AGAP1: variants seen among roughly 807,000 people sequenced by gnomAD.
AGAP1 encodes arf-GAP with GTPase, ANK repeat and PH domain-containing protein 1.
A neutral mutation model predicts 105.3 loss-of-function variants in AGAP1; 29 were observed. The observed-to-expected ratio is 0.28, with a 90% CI of 0.21 to 0.38. The LOEUF is 0.38. AGAP1 is among the 10% of genes least tolerant of loss of function. The pLI is 1.00. For synonymous variants in AGAP1, 509 were observed against 485.9 expected (o/e 1.05, Z -0.63); for missense variants, 998 against 1,165.1 (o/e 0.86, Z 2.09).
intron 16 of AGAP1, among the ~76,000 whole-genome samples, chr2:236,097,428 C>T (rs558487451): frequency 9.8e-6 from 1 of 101,650 alleles, no homozygotes; most frequent in Admixed American, 1.6e-4. Context: ...GAGTCTTGCT[C>T]TGTCGCCAGG....
chr2:235,642,833 A>T lies in AGAP1; in HGVS notation c.164-66346A>T, dbSNP rs569692724. Among the ~76,000 whole-genome samples, 2 of 152,362 alleles carry T rather than the reference A, an allele frequency of 1.3e-5. No individual in the cohort carries two copies. Among genetic ancestry groups the T allele is most frequent in the South Asian group, 4.1e-4 (2 of 4,830 alleles). ...AATAAAATTATTTTGCTTTGCAAAG[A>T]TTAGGCAAATCCCAGGTTGCTGAGT... On this transcript the variant is annotated intron_variant, in intron 1 of 17. Coordinates refer to ENST00000304032, the MANE Select transcript of AGAP1 (RefSeq NM_001037131.3). The surrounding 1 kb of genome is among the most constrained non-coding windows in gnomAD (Gnocchi z 4.1).
Position 235,883,780 on chromosome 2 carries a change from G to A in AGAP1, c.1155+331G>A, listed in dbSNP as rs1428544960. 6.6e-6 allele frequency among the ~76,000 whole-genome samples: 1 copy of A among 152,162 alleles called. No individual in the cohort carries two copies. Among genetic ancestry groups the A allele is most frequent in the African/African-American group, 2.4e-5 (1 of 41,436 alleles). On this transcript the variant is annotated intron_variant, in intron 10 of 17. Coordinates refer to ENST00000304032, the MANE Select transcript of AGAP1 (RefSeq NM_001037131.3). The surrounding 1 kb of genome is among the most constrained non-coding windows in gnomAD (Gnocchi z 4.5). ...GAAAGGAGAGAAGAGTGGTCTATCT[G>A]AAAATCGAGAATGAAGGAAACAATT...
intron 12 of AGAP1, among the ~76,000 whole-genome samples, chr2:235,940,955 G>A (rs978911300): frequency 6.6e-6 from 1 of 152,228 alleles, no homozygotes; most frequent in Non-Finnish European, 1.5e-5. Flanking sequence ...CCAAGTGGTG[G>A]CAGGGGTGGG....
chr2:235,861,102 T>C (rs2048911678), intron 9 of AGAP1, among the ~76,000 whole-genome samples: 1 of 152,246 alleles, frequency 6.6e-6, no homozygotes, highest in South Asian at 2.1e-4. Flanking sequence ...ATGTACTGTG[T>C]GAGTCTTCCA....
intron 1 of AGAP1, chr2:235,669,634 G>GCCCGCCACCCGCCGCCCGCCA (rs1948261877): frequency 6.8e-6 from 1 of 147,986 alleles, no homozygotes. Flanking sequence ...GCCGCCCGCC[G>GCCCGCCACCCGCCGCCCGCCA]CCCGCCACCC....
In AGAP1 at chr2:235,967,103, CCT is replaced by C. The variant is rs921320971; in HGVS notation, c.1484-1355_1484-1354del. On this transcript the variant is annotated intron_variant, in intron 12 of 17. Transcript: ENST00000304032. The surrounding 1 kb of genome is among the most constrained non-coding windows in gnomAD (Gnocchi z 4.7). ...CCTCACGGTGGCCCGCAAGCCCCCT[CCT>C]CTCCAGTGCCACCTTCCGCAGGCCT... 2.6e-5 allele frequency among the ~76,000 whole-genome samples: 4 copies of C among 152,154 alleles called. No homozygotes were observed. Among genetic ancestry groups the C allele is most frequent in the Admixed American group, 1.3e-4 (2 of 15,284 alleles).
In AGAP1 at chr2:235,971,799, G is replaced by T; in HGVS notation, c.1645+3176G>T. 7.1e-6 allele frequency among the ~76,000 whole-genome samples: 1 copy of T among 141,408 alleles called. No individual in the cohort carries two copies. The highest frequency in any genetic ancestry group is 6.9e-5 in the Admixed American group (1 of 14,530). 92.8% of individuals were successfully genotyped at this position (141,408 alleles called of 152,430 possible). On this transcript the variant is annotated intron_variant, in intron 13 of 17. Coordinates refer to ENST00000304032, the MANE Select transcript of AGAP1 (RefSeq NM_001037131.3). This position sits in a 1 kb window ranked among gnomAD's most constrained non-coding sequence, Gnocchi z 4.8. Reference sequence around the variant, plus strand: ...TTTATTTATTTATTGTATTTTTTGAGACAGGTCCTCGCTCTGTCACCCAGG... The same window carrying T: ...TTTATTTATTTATTGTATTTTTTGATACAGGTCCTCGCTCTGTCACCCAGG...
chr2:235,709,108 C>T (rs1950695049), intron 1 of AGAP1, 71 bp from the exon 2 acceptor site: 4 of 1,474,334 alleles, frequency 2.7e-6, no homozygotes, highest in Non-Finnish European at 3.8e-6. Flanking sequence ...TGAAAATGGC[C>T]CATTGGAGGC....
chr2:235,561,619 T>G (rs1249636074), intron 1 of AGAP1, among the ~76,000 whole-genome samples: 1 of 152,202 alleles, frequency 6.6e-6, no homozygotes, highest in Non-Finnish European at 1.5e-5. Context: ...TTCTTGAGGC[T>G]TATTGCTGTC....
chr2:235,963,724 A>G lies in AGAP1; in HGVS notation c.1484-4738A>G, dbSNP rs992984818. Among the ~76,000 whole-genome samples the G allele has an allele frequency of 2.6e-5, 4 of 152,082 alleles. No individual in the cohort carries two copies. The highest frequency in any genetic ancestry group is 9.7e-5 in the African/African-American group (4 of 41,396). The stretch of plus-strand genomic sequence containing the variant: ...CTCCACCCTGTTCACCATCTTTTTC[A>G]TTGATGTGGATGGATATATGGGAGT... On this transcript the variant is annotated intron_variant, in intron 12 of 17. Transcript: ENST00000304032. The surrounding 1 kb of genome is among the most constrained non-coding windows in gnomAD (Gnocchi z 5.1).
chr2:235,658,586 G>T (rs1421009577), intron 1 of AGAP1, among the ~76,000 whole-genome samples: 1 of 152,148 alleles, frequency 6.6e-6, no homozygotes, highest in African/African-American at 2.4e-5. Context: ...CCCAGCAGGG[G>T]TGGAGGGGTG....
intron 9 of AGAP1, among the ~76,000 whole-genome samples, chr2:235,859,011 G>A (rs1020112656): frequency 6.6e-6 from 1 of 152,204 alleles, no homozygotes; most frequent in Non-Finnish European, 1.5e-5. Flanking sequence ...GGACACTTAA[G>A]AAAAATTGGG....
chr2:236,043,904 G>A (rs773249722), intron 15 of AGAP1, among the ~76,000 whole-genome samples: 13 of 152,150 alleles, frequency 8.5e-5, no homozygotes, highest in Non-Finnish European at 1.8e-4. Context: ...TGTCTGAGTG[G>A]TAGGGTCTTT....
chr2:235,828,824 G>A (rs1222979093), intron 9 of AGAP1, among the ~76,000 whole-genome samples: 1 of 152,210 alleles, frequency 6.6e-6, no homozygotes, highest in Non-Finnish European at 1.5e-5. Flanking sequence ...GATAATGGGT[G>A]TCATTTTGCA....
At chr2:235,803,709 A>C (rs1957697409) in intron 8 of AGAP1, among the ~76,000 whole-genome samples, 1 of 152,252 alleles carries the variant, frequency 6.6e-6, no homozygotes, top group Non-Finnish European at 1.5e-5. Context: ...GTTTGTTTGC[A>C]TATATTCATA....
At chr2:235,528,004 T>G (rs576877720) in intron 1 of AGAP1, among the ~76,000 whole-genome samples, 4 of 152,324 alleles carry the variant, frequency 2.6e-5, no homozygotes, top group African/African-American at 9.6e-5. Context: ...GACATGTAAG[T>G]CGCTTCTCAG....
chr2:236,053,105 C>G lies in AGAP1; in HGVS notation c.2114+3824C>G, dbSNP rs2057954817. On this transcript the variant is annotated intron_variant, in intron 16 of 17. Transcript: ENST00000304032. This position sits in a 1 kb window ranked among gnomAD's most constrained non-coding sequence, Gnocchi z 4.6. ...GGCGTCGAGCAGCTGGGCCGGGGGC[C>G]ACCAGCCAGGCGGGGCTCTGGGTTC... 6.6e-6 allele frequency among the ~76,000 whole-genome samples: 1 copy of G among 152,130 alleles called. No homozygotes were observed. Among genetic ancestry groups the G allele is most frequent in the Non-Finnish European group, 1.5e-5 (1 of 68,028 alleles).
rs1031028795 is a variant in AGAP1 at position 236,128,077 on chromosome 2, C to CT, written c.*3955_*3956insT. On this transcript the variant is annotated 3_prime_UTR_variant, in exon 18 of 18. Coordinates refer to ENST00000304032, the MANE Select transcript of AGAP1 (RefSeq NM_001037131.3). This position sits in a 1 kb window ranked among gnomAD's most constrained non-coding sequence, Gnocchi z 5.9. ...GGCTGTGATGGGCACGTTTGCCAACCCCCCCCCCCCAGTAGAGCCCAGGAC... is the reference window on the plus strand; with the variant it reads ...GGCTGTGATGGGCACGTTTGCCAACCTCCCCCCCCCCAGTAGAGCCCAGGAC... 1.9e-5 allele frequency: 2 copies of CT among 106,196 alleles called. No homozygotes were observed. Among genetic ancestry groups the CT allele is most frequent in the Admixed American group, 1.9e-4 (2 of 10,504 alleles). The allele number at this position is 106,196 out of a possible 1,614,324, so 6.6% of individuals were successfully genotyped here. A position where few individuals can be genotyped will look rare whatever the true frequency, so the allele number is the denominator to read the frequency against.
intron 12 of AGAP1, among the ~76,000 whole-genome samples, chr2:235,942,947 G>T (rs1270408243): frequency 6.6e-6 from 1 of 152,112 alleles, no homozygotes; most frequent in Non-Finnish European, 1.5e-5. Context: ...CATTTAATTA[G>T]CTGGGCCTAG....
Sources: allele counts gnomAD v4.1 joint callset (sites outside exome capture counted in the v4.1 genomes callset), GRCh38; gene constraint gnomAD v4.1.1; non-coding constraint Gnocchi (gnomAD v3.1); transcripts MANE v1.5; gene names NCBI Gene and HGNC (gene_info 2026-07-23, HGNC 2026-07-21).